JAKMIP2: variants seen among roughly 807,000 people sequenced by gnomAD.
The protein encoded by JAKMIP2 is janus kinase and microtubule-interacting protein 2.
A neutral mutation model predicts 115.0 loss-of-function variants in JAKMIP2; 25 were observed. The ratio of observed to expected loss-of-function variants is 0.22; its 90% CI spans 0.16 to 0.30. The LOEUF (loss-of-function observed/expected upper bound fraction) is 0.30. Ranked by LOEUF, JAKMIP2 falls within the 10% of genes least tolerant of loss-of-function variation. The pLI, the probability that JAKMIP2 is intolerant of heterozygous loss-of-function variation, is 1.00. For synonymous variants in JAKMIP2, 334 were observed against 343.6 expected, an observed-to-expected ratio of 0.97 and a Z score of 0.31; for missense variants, 642 against 957.6, an observed-to-expected ratio of 0.67 and a Z score of 4.35.
intron 3 of JAKMIP2, among the ~76,000 whole-genome samples, chr5:147,652,798 G>C (rs1027283065): frequency 6.6e-6 from 1 of 151,942 alleles, no homozygotes; most frequent in Non-Finnish European, 1.5e-5. Flanking sequence ...CCTATCAACC[G>C]GTCCTCTAGG....
chr5:147,626,545 C>CT (rs998637288), intron 16 of JAKMIP2, among the ~76,000 whole-genome samples: 3 of 152,122 alleles, frequency 2.0e-5, no homozygotes, highest in African/African-American at 4.8e-5. Context: ...AGTTATCTAC[C>CT]TTTTTTGTGC....
At chr5:147,603,289 G>A (rs917839901) in intron 20 of JAKMIP2, among the ~76,000 whole-genome samples, 8 of 152,182 alleles carry the variant, frequency 5.3e-5, no homozygotes, top group Non-Finnish European at 1.2e-4. Flanking sequence ...CATAACATCT[G>A]TAGTGTCTGT....
chr5:147,760,298 T>TG (rs1458828743), intron 1 of JAKMIP2, among the ~76,000 whole-genome samples: 1 of 151,600 alleles, frequency 6.6e-6, no homozygotes, highest in African/African-American at 2.4e-5. Context: ...TGAGATTACC[T>TG]GGGGAGAATG....
At chr5:147,655,751 G>T (rs1213960878) in intron 3 of JAKMIP2, among the ~76,000 whole-genome samples, 2 of 151,988 alleles carry the variant, frequency 1.3e-5, no homozygotes, top group Non-Finnish European at 2.9e-5. Context: ...GGATTTGTTT[G>T]CTCTTTCTTC....
intron 20 of JAKMIP2, among the ~76,000 whole-genome samples, chr5:147,606,360 T>G (rs1377916765): frequency 2.6e-5 from 4 of 152,224 alleles, no homozygotes; most frequent in Non-Finnish European, 5.9e-5. Context: ...AATTTTCGTA[T>G]AAGGTGTAAG....
At chr5:147,633,890 A>T (rs1187674481) in intron 12 of JAKMIP2, among the ~76,000 whole-genome samples, 1 of 151,948 alleles carries the variant, frequency 6.6e-6, no homozygotes, top group Non-Finnish European at 1.5e-5. Context: ...GGGTTTCACC[A>T]CGTTGGCCAG....
At chr5:147,702,689 A>AAAGAAAGAGGAAG (rs1561547858) in intron 1 of JAKMIP2, among the ~76,000 whole-genome samples, 2 of 139,790 alleles carry the variant, frequency 1.4e-5, no homozygotes, top group Non-Finnish European at 3.1e-5. Context: ...AGAAAGAAAG[A>AAAGAAAGAGGAAG]AAAGAAAAGA....
intron 1 of JAKMIP2, among the ~76,000 whole-genome samples, chr5:147,693,946 C>T (rs1400261858): frequency 1.3e-5 from 2 of 152,176 alleles, no homozygotes; most frequent in Non-Finnish European, 2.9e-5. Flanking sequence ...CTACTAACAA[C>T]ATTTTCAAGA....
rs949620623 is a variant in JAKMIP2, at chr5:147,586,589, A to C, written c.*5118T>G. The C allele has an allele frequency of 4.6e-5, 7 of 152,128 alleles. No individual in the cohort carries two copies. Among genetic ancestry groups the C allele is most frequent in the Non-Finnish European group, 8.8e-5 (6 of 68,024 alleles). The allele number at this position is 152,128 out of a possible 1,614,324, so 9.4% of individuals were successfully genotyped here. A position where few individuals can be genotyped will look rare whatever the true frequency, so the allele number is the denominator to read the frequency against. ...AGGATGAAAATATAAGCATGGGTACAAAGACCGTAATGCAGAAAAAAACAA... is the reference window on the plus strand; with the variant it reads ...AGGATGAAAATATAAGCATGGGTACCAAGACCGTAATGCAGAAAAAAACAA... On this transcript the variant is annotated 3_prime_UTR_variant, in exon 22 of 22. Transcript: ENST00000616793.
At position 147,766,377 on chromosome 5, in the gene JAKMIP2, TG is replaced by T. The variant is rs535727160; in HGVS notation, c.-149+16078del. ...TTGAAAGGAGGAAAAAAATAAGTGATGTTTTTTATCTCTCTCTTTTAACAAT... is the reference window on the plus strand; with the variant it reads ...TTGAAAGGAGGAAAAAAATAAGTGATTTTTTTATCTCTCTCTTTTAACAAT... On this transcript the variant is annotated intron_variant, in intron 1 of 21. Transcript: ENST00000616793. 9.2e-5 allele frequency among the ~76,000 whole-genome samples: 14 copies of T among 152,328 alleles called. No individual in the cohort carries two copies. In the South Asian group the frequency reaches 2.7e-3, roughly 29 times the overall value.
chr5:147,723,420 T>G (rs1753394655), intron 1 of JAKMIP2, among the ~76,000 whole-genome samples: 2 of 152,166 alleles, frequency 1.3e-5, no homozygotes, highest in African/African-American at 2.4e-5. Context: ...AATGACTTTG[T>G]ACATTCTCGA....
intron 5 of JAKMIP2, among the ~76,000 whole-genome samples, chr5:147,645,744 T>C (rs1255524845): frequency 1.3e-5 from 2 of 152,164 alleles, no homozygotes; most frequent in Non-Finnish European, 2.9e-5. Context: ...TCCTGTGCAG[T>C]GGAGGATGTT....
intron 1 of JAKMIP2, among the ~76,000 whole-genome samples, chr5:147,765,975 C>T (rs1377354297): frequency 6.6e-6 from 1 of 152,060 alleles, no homozygotes; most frequent in Non-Finnish European, 1.5e-5. Context: ...CATTACATTC[C>T]AACCAGTCAA....
intron 1 of JAKMIP2, among the ~76,000 whole-genome samples, chr5:147,769,183 T>G (rs1277860645): frequency 6.6e-6 from 1 of 151,938 alleles, no homozygotes; most frequent in African/African-American, 2.4e-5. Context: ...CTCAGGGAGG[T>G]GCCACTCACA....
chr5:147,621,508 C>T (rs1316409145), intron 17 of JAKMIP2, among the ~76,000 whole-genome samples: 4 of 152,142 alleles, frequency 2.6e-5, no homozygotes, highest in Non-Finnish European at 5.9e-5. Context: ...TTGCTGTTGA[C>T]TTTGCTGGTG....
chr5:147,695,462 C>T (rs1028113586), intron 1 of JAKMIP2, among the ~76,000 whole-genome samples: 2 of 152,034 alleles, frequency 1.3e-5, no homozygotes, highest in Admixed American at 6.6e-5. Flanking sequence ...TATCCTGTCT[C>T]GAGAGAGCCA....
chr5:147,594,708 T>C (rs1340902165), intron 21 of JAKMIP2, among the ~76,000 whole-genome samples: 1 of 152,138 alleles, frequency 6.6e-6, no homozygotes, highest in Non-Finnish European at 1.5e-5. Context: ...GCACCACCGT[T>C]TAACCAGTTA....
intron 1 of JAKMIP2, among the ~76,000 whole-genome samples, chr5:147,749,230 T>C (rs1300757156): frequency 1.3e-5 from 2 of 150,488 alleles, no homozygotes; most frequent in Non-Finnish European, 3.0e-5. Context: ...GGCTAAACAA[T>C]AACAGCAAAA....
chr5:147,625,987 C>T (rs537062220), intron 16 of JAKMIP2, among the ~76,000 whole-genome samples: 1 of 152,180 alleles, frequency 6.6e-6, no homozygotes, highest in African/African-American at 2.4e-5. Flanking sequence ...AAGGTCACTG[C>T]CATTATTTTT....
Sources: allele counts gnomAD v4.1 joint callset (sites outside exome capture counted in the v4.1 genomes callset), GRCh38; gene constraint gnomAD v4.1.1; transcripts MANE v1.5; gene names NCBI Gene and HGNC (gene_info 2026-07-23, HGNC 2026-07-21).